Variants in DIAPH2 observed in about 807,000 individuals in gnomAD.
The protein encoded by DIAPH2 is protein diaphanous homolog 2.
In DIAPH2, 35 loss-of-function variants were observed where a neutral mutation model predicts 92.7. The observed-to-expected ratio is 0.38, with a 90% CI of 0.29 to 0.50. DIAPH2 has a LOEUF of 0.50. DIAPH2 is among the 20% of genes least tolerant of loss of function. The pLI is 0.94. For synonymous variants in DIAPH2, 301 were observed against 280.4 expected (o/e 1.07, Z -0.73); for missense variants, 701 against 819.5 (o/e 0.86, Z 1.77).
chrX:97,342,728 TAAG>T (rs750971476), intron 23 of DIAPH2, among the ~76,000 whole-genome samples: 1 of 111,847 alleles, frequency 8.9e-6, no homozygotes, highest in African/African-American at 3.2e-5. Context: ...AAATAAGAAA[TAAG>T]AAAAATAGAC....
At chrX:97,283,034 G>A (rs2068511459) in intron 23 of DIAPH2, among the ~76,000 whole-genome samples, 1 of 111,488 alleles carries the variant, frequency 9.0e-6, no homozygotes, top group Non-Finnish European at 1.9e-5. Context: ...GGTAGATGGA[G>A]GCTGACAGAC....
At chrX:97,392,936 G>A (rs1172752053) in intron 25 of DIAPH2, among the ~76,000 whole-genome samples, 1 of 111,531 alleles carries the variant, frequency 9.0e-6, no homozygotes, top group Non-Finnish European at 1.9e-5. Context: ...TGTTGGTGTC[G>A]TTTTAGTGAA....
At chrX:97,300,746 C>T (rs1279766968) in intron 23 of DIAPH2, among the ~76,000 whole-genome samples, 19 of 90,281 alleles carry the variant, frequency 2.1e-4, no homozygotes, top group African/African-American at 6.6e-4. Flanking sequence ...TCCTGGCTAA[C>T]ACGGTGAAAC....
chrX:97,239,601 AGACT>A lies in DIAPH2; in HGVS notation c.2720-8109_2720-8106del, dbSNP rs1345314667. 4.5e-5 allele frequency among the ~76,000 whole-genome samples: 5 copies of A among 111,870 alleles called. No homozygotes were observed. The Admixed American group carries it at 4.8e-4, about 11-fold the overall frequency. ...AGAGAAAAAAAATTAAAGTGCTACC[AGACT>A]GACTAATCAGTCATTGAAAATGCCT... On this transcript the variant is annotated intron_variant, in intron 22 of 26. Coordinates refer to ENST00000324765, the MANE Select transcript of DIAPH2 (RefSeq NM_006729.5).
rs762301295 is a variant in DIAPH2, at chrX:96,808,351, AAATT to A, written c.447+50097_447+50100del. 1.4e-3 allele frequency among the ~76,000 whole-genome samples: 157 copies of A among 111,859 alleles called. 1 individual carries two copies. Among genetic ancestry groups the A allele is most frequent in the African/African-American group, 4.7e-3 (145 of 30,879 alleles). ...CAGTACCCATTATATATCACTCTAA[AAATT>A]AATCATTATATTAAAGTTATAGTGA... On this transcript the variant is annotated intron_variant, in intron 4 of 26. Coordinates refer to ENST00000324765, the MANE Select transcript of DIAPH2 (RefSeq NM_006729.5).
At chrX:96,754,681 T>A (rs2064213584) in intron 3 of DIAPH2, among the ~76,000 whole-genome samples, 1 of 109,638 alleles carries the variant, frequency 9.1e-6, no homozygotes, top group African/African-American at 3.3e-5. Context: ...TCCCAGCACT[T>A]TGGGAGGCCG....
chrX:97,348,748 A>G (rs1297642971), intron 24 of DIAPH2, among the ~76,000 whole-genome samples: 1 of 111,341 alleles, frequency 9.0e-6, no homozygotes, highest in Non-Finnish European at 1.9e-5. Flanking sequence ...TTTCTTTCAC[A>G]ATGTGGGCTC....
chrX:97,262,109 A>G (rs760111847), intron 23 of DIAPH2, among the ~76,000 whole-genome samples: 1,875 of 109,432 alleles, frequency 0.017, 19 homozygotes, highest in Non-Finnish European at 0.028. Context: ...AAAAAAAAAA[A>G]AAAAGAAAGG....
At chrX:97,115,301 T>C (rs1212487627) in intron 21 of DIAPH2, among the ~76,000 whole-genome samples, 2 of 111,219 alleles carry the variant, frequency 1.8e-5, no homozygotes, top group African/African-American at 6.5e-5. Context: ...TTTGAGAGGC[T>C]GAGGCGGGTG....
chrX:97,298,834 C>T (rs1602489538), intron 23 of DIAPH2, among the ~76,000 whole-genome samples: 1 of 110,010 alleles, frequency 9.1e-6, no homozygotes, highest in Non-Finnish European at 1.9e-5. Context: ...CAGCCTGAAT[C>T]GTCTCGATCT....
At chrX:97,177,911 A>T (rs1000176541) in intron 22 of DIAPH2, among the ~76,000 whole-genome samples, 12 of 111,350 alleles carry the variant, frequency 1.1e-4, no homozygotes, top group Admixed American at 1.1e-3. Context: ...TGATTTAATT[A>T]AAAAATCTAG....
chrX:97,101,251 ATT>A (rs769786703), intron 20 of DIAPH2, among the ~76,000 whole-genome samples: 1 of 105,285 alleles, frequency 9.5e-6, no homozygotes, highest in South Asian at 4.1e-4. Context: ...CTCTGAAGCC[ATT>A]TTTTTTTTTC....
intron 4 of DIAPH2, among the ~76,000 whole-genome samples, chrX:96,812,620 C>G (rs2064693611): frequency 8.9e-6 from 1 of 111,838 alleles, no homozygotes; most frequent in East Asian, 2.8e-4. Context: ...ATTAGGGTGT[C>G]AATTTTAGAT....
At chrX:96,776,210 C>G (rs1242350405) in intron 4 of DIAPH2, among the ~76,000 whole-genome samples, 1 of 110,399 alleles carries the variant, frequency 9.1e-6, no homozygotes, top group Non-Finnish European at 1.9e-5. Flanking sequence ...CTTTTCTTTT[C>G]TTTTCTTTCT....
rs751767296 is a variant in DIAPH2, at chrX:97,073,061, G to A, written c.2152+19G>A. 1.5e-5 allele frequency: 16 copies of A among 1,057,810 alleles called. No homozygotes were observed. The highest frequency in any genetic ancestry group is 2.4e-5 in the Admixed American group (1 of 41,998). The allele number at this position is 1,057,810 out of a possible 1,213,427, so 87.2% of individuals were successfully genotyped here. A position where few individuals can be genotyped will look rare whatever the true frequency, so the allele number is the denominator to read the frequency against. On this transcript the variant is annotated intron_variant, in intron 18 of 26. Coordinates refer to ENST00000324765, the MANE Select transcript of DIAPH2 (RefSeq NM_006729.5). ...AATCTGTGTATGTAATATTTTCTTC[G>A]TAGGATTGGTATAGGTAACGGTGAG...
chrX:97,262,190 A>G (rs1196202162), intron 23 of DIAPH2, among the ~76,000 whole-genome samples: 1 of 110,941 alleles, frequency 9.0e-6, no homozygotes, highest in Non-Finnish European at 1.9e-5. Context: ...ATAATATCAT[A>G]CAATGATAAG....
chrX:97,034,453 G>A (rs147349558), intron 17 of DIAPH2, among the ~76,000 whole-genome samples: 3,658 of 107,823 alleles, frequency 0.034, 54 homozygotes, highest in Middle Eastern at 0.075. Flanking sequence ...AATCAATGTG[G>A]AATTGTCAAG....
chrX:97,100,274 A>G (rs1420166264), intron 20 of DIAPH2, among the ~76,000 whole-genome samples: 1 of 111,731 alleles, frequency 9.0e-6, no homozygotes, highest in Non-Finnish European at 1.9e-5. Flanking sequence ...AGTGTCATTA[A>G]TTGATTTAAA....
intron 26 of DIAPH2, among the ~76,000 whole-genome samples, chrX:97,594,125 A>G (rs1156330160): frequency 9.0e-6 from 1 of 111,132 alleles, no homozygotes; most frequent in Non-Finnish European, 1.9e-5. Context: ...GAAAATTTCT[A>G]CAATACAATA....
Sources: gnomAD v4.1 joint callset for allele counts (sites outside exome capture counted in the v4.1 genomes callset) on GRCh38, gnomAD v4.1.1 for gene constraint, MANE v1.5 for transcripts, NCBI Gene and HGNC (gene_info 2026-07-23, HGNC 2026-07-21) for gene names.